BTBD16: variants seen among roughly 807,000 people sequenced by gnomAD.
The protein encoded by BTBD16 is BTB/POZ domain-containing protein 16.
A neutral mutation model predicts 67.4 loss-of-function variants in BTBD16; 66 were observed. The ratio of observed to expected loss-of-function variants is 0.98; its 90% CI spans 0.80 to 1.20. The LOEUF is 1.20. Ranked by LOEUF, BTBD16 falls within the 50% of genes most tolerant of loss-of-function variation. BTBD16 has a pLI of 0.00. For synonymous variants in BTBD16, 242 were observed against 236.4 expected, an observed-to-expected ratio of 1.02 and a Z score of -0.22; for missense variants, 634 against 616.0, an observed-to-expected ratio of 1.03 and a Z score of -0.31.
chr10:122,278,608 C>A (rs769160502), intron 3 of BTBD16, among the ~76,000 whole-genome samples: 7 of 152,222 alleles, frequency 4.6e-5, no homozygotes, highest in Non-Finnish European at 7.3e-5. Context: ...GTCAACACCC[C>A]CTTTATTTCA....
At chr10:122,309,320 TTTTG>T (rs933455120) in intron 10 of BTBD16, among the ~76,000 whole-genome samples, 43 of 151,640 alleles carry the variant, frequency 2.8e-4, no homozygotes, top group South Asian at 8.3e-4. Flanking sequence ...TATTATTATT[TTTTG>T]TTTGTTTGTT....
intron 13 of BTBD16, among the ~76,000 whole-genome samples, chr10:122,334,636 A>C (rs2096460591): frequency 6.9e-6 from 1 of 145,574 alleles, no homozygotes; most frequent in African/African-American, 2.6e-5. Context: ...CCTCCTGAGT[A>C]GCTGGGACTA....
At chr10:122,278,929 C>T (rs1169231533) in intron 3 of BTBD16, among the ~76,000 whole-genome samples, 1 of 152,232 alleles carries the variant, frequency 6.6e-6, no homozygotes, top group Non-Finnish European at 1.5e-5. Context: ...ATCATGGTGA[C>T]AGCAGAGGGC....
chr10:122,280,157 C>A (rs1037483716), intron 3 of BTBD16, among the ~76,000 whole-genome samples: 1 of 152,050 alleles, frequency 6.6e-6, no homozygotes, highest in African/African-American at 2.4e-5. Flanking sequence ...TCTTTTTGTG[C>A]CTTAGTTTAT....
chr10:122,324,227 G>T (rs2096440421), intron 10 of BTBD16, among the ~76,000 whole-genome samples: 1 of 152,192 alleles, frequency 6.6e-6, no homozygotes, highest in Admixed American at 6.5e-5. Flanking sequence ...TTTGCGGAGA[G>T]AAAAAGAGCA....
At chr10:122,281,516 C>T (rs1217149977) in intron 3 of BTBD16, among the ~76,000 whole-genome samples, 1 of 152,212 alleles carries the variant, frequency 6.6e-6, no homozygotes, top group Non-Finnish European at 1.5e-5. Context: ...CCTCCTCCCT[C>T]ACCCTTGCAT....
At chr10:122,307,083 A>C (rs910799720) in intron 9 of BTBD16, 106 bp from the exon 10 acceptor site, 1 of 1,325,832 alleles carries the variant, frequency 7.5e-7, no homozygotes, top group African/African-American at 1.5e-5. Flanking sequence ...TTCAGACTCA[A>C]ATGTGGTGTC....
chr10:122,283,846 T>A lies in BTBD16; in HGVS notation c.168-5T>A. 6.2e-7 allele frequency: 1 copy of A among 1,612,186 alleles called. No individual in the cohort carries two copies. Among genetic ancestry groups the A allele is most frequent in the Non-Finnish European group, 8.5e-7 (1 of 1,178,244 alleles). On this transcript the variant is annotated splice_polypyrimidine_tract_variant and splice_region_variant and intron_variant, in intron 3 of 15. Coordinates refer to ENST00000260723, the MANE Select transcript of BTBD16 (RefSeq NM_144587.5). ...CTGGATTTTATATTTGCATTTTCCC[T>A]TGAGGTTATGCATTTCACAAATCCA...
rs188475867 is a variant in BTBD16, at chr10:122,273,861, C to T, written c.-42-1179C>T. ...ATTAATACTTTTGCAATTAAAAAGT[C>T]CAATTAAGGCAATTAAAAGGCAAAG... On this transcript the variant is annotated intron_variant, in intron 1 of 15. Transcript: ENST00000260723. 4.6e-5 allele frequency among the ~76,000 whole-genome samples: 7 copies of T among 152,334 alleles called. No homozygotes were observed. In the East Asian group the frequency reaches 1.4e-3, roughly 29 times the overall value.
In BTBD16 at chr10:122,283,908, C is replaced by G; in HGVS notation, c.225C>G (p.Ile75Met). 1 of 1,613,566 alleles carries G rather than the reference C, an allele frequency of 6.2e-7. No homozygotes were observed. Among genetic ancestry groups the G allele is most frequent in the African/African-American group, 1.3e-5 (1 of 74,986 alleles). ...TTGAGAATTTCAAGAACAAGGACAT[C>G]CAAAGTGGGGAAGCAGGTGAGTTTG... Reference protein sequence around the residue: ...FFFENFKNKDIQSGEADVILE... With the variant: ...FFFENFKNKDMQSGEADVILE... The change falls in exon 4 of 16, where the codon ATC becomes ATG. Residue 75 changes from isoleucine to methionine, a missense_variant. Ile to Met is a conservative substitution (Grantham distance 10). Coordinates refer to ENST00000260723, the MANE Select transcript of BTBD16 (RefSeq NM_144587.5).
At chr10:122,294,027 A>G in intron 7 of BTBD16, 1 of 670,532 alleles carries the variant, frequency 1.5e-6, no homozygotes, top group African/African-American at 1.9e-5. Flanking sequence ...GCAGCTAATG[A>G]GCCAAACCTT....
chr10:122,280,629 A>G (rs973260981), intron 3 of BTBD16, among the ~76,000 whole-genome samples: 5 of 151,158 alleles, frequency 3.3e-5, no homozygotes, highest in Non-Finnish European at 7.4e-5. Flanking sequence ...TTAACCAGAG[A>G]GTAGTTCTGG....
intron 10 of BTBD16, among the ~76,000 whole-genome samples, chr10:122,309,339 GGTTTTT>G (rs2096409319): frequency 6.7e-6 from 1 of 149,388 alleles, no homozygotes; most frequent in Non-Finnish European, 1.5e-5. Context: ...TTTGTTTTTT[GGTTTTT>G]GTTTTTGTTT....
chr10:122,306,129 A>G (rs1349725247), intron 9 of BTBD16, among the ~76,000 whole-genome samples: 1 of 152,172 alleles, frequency 6.6e-6, no homozygotes, highest in Non-Finnish European at 1.5e-5. Context: ...AGGGAAGCCA[A>G]AGAGTCAGAA....
intron 14 of BTBD16, among the ~76,000 whole-genome samples, chr10:122,335,510 G>T (rs2096462051): frequency 6.6e-6 from 1 of 152,204 alleles, no homozygotes. Context: ...GAACGGCCTT[G>T]CGAGCTATAG....
intron 10 of BTBD16, among the ~76,000 whole-genome samples, chr10:122,316,889 C>T (rs1653430143): frequency 6.6e-6 from 1 of 151,994 alleles, no homozygotes. Context: ...TCCGGTTCAA[C>T]TGATTCTCCT....
At chr10:122,314,995 C>G (rs1433531126) in intron 10 of BTBD16, among the ~76,000 whole-genome samples, 1 of 152,084 alleles carries the variant, frequency 6.6e-6, no homozygotes, top group East Asian at 1.9e-4. Context: ...ATTCCCCAAT[C>G]TGTGTATGAT....
intron 10 of BTBD16, chr10:122,327,618 A>G: frequency 1.0e-6 from 1 of 985,346 alleles, no homozygotes; most frequent in South Asian, 4.7e-5. Flanking sequence ...TGGCCTCTCC[A>G]TGTCATCCAC....
At position 122,275,072 on chromosome 10, in the gene BTBD16, A is replaced by G; in HGVS notation, c.-10A>G. The G allele has an allele frequency of 6.2e-7, 1 of 1,613,728 alleles. No individual in the cohort carries two copies. The highest frequency in any genetic ancestry group is 1.1e-5 in the South Asian group (1 of 91,034). Reference sequence around the variant, plus strand: ...GTCTTTTCTCTCCTGCGTAATTTCCACTTTCATTCATGATAATGTCGAACA... The same window carrying G: ...GTCTTTTCTCTCCTGCGTAATTTCCGCTTTCATTCATGATAATGTCGAACA... On this transcript the variant is annotated 5_prime_UTR_variant, in exon 2 of 16. Coordinates refer to ENST00000260723, the MANE Select transcript of BTBD16 (RefSeq NM_144587.5).
Sources: allele counts gnomAD v4.1 joint callset (sites outside exome capture counted in the v4.1 genomes callset), GRCh38; gene constraint gnomAD v4.1.1; transcripts MANE v1.5; gene names NCBI Gene and HGNC (gene_info 2026-07-23, HGNC 2026-07-21).